Variants in IL1RAPL2 observed in about 807,000 individuals in gnomAD.
IL1RAPL2 encodes interleukin 1 receptor accessory protein like 2, also known as X-linked interleukin-1 receptor accessory protein-like 2.
In IL1RAPL2, 3 loss-of-function variants were observed where a neutral mutation model predicts 44.1. The observed-to-expected ratio is 0.07, with a 90% CI of 0.03 to 0.18. IL1RAPL2 has a LOEUF of 0.18. Among genes scored for constraint, IL1RAPL2 ranks in the 10% least tolerant of loss-of-function variants. The pLI, the probability that IL1RAPL2 is intolerant of heterozygous loss-of-function variation, is 1.00. For missense variants in IL1RAPL2, 391 were observed against 496.4 expected (o/e 0.79, Z 2.02); for synonymous variants, 181 against 178.8 (o/e 1.01, Z -0.10).
chrX:104,943,448 TC>T (rs1401397150), intron 2 of IL1RAPL2, among the ~76,000 whole-genome samples: 1 of 112,127 alleles, frequency 8.9e-6, no homozygotes, highest in Non-Finnish European at 1.9e-5. Flanking sequence ...ATTTATCCCA[TC>T]TTTTCTTCTC....
chrX:104,655,824 C>G (rs1192018447), intron 1 of IL1RAPL2, among the ~76,000 whole-genome samples: 1 of 111,154 alleles, frequency 9.0e-6, no homozygotes, highest in African/African-American at 3.3e-5. Flanking sequence ...GGTTGGTAGG[C>G]TATTAATTAT....
chrX:104,721,751 A>C (rs1931680765), intron 2 of IL1RAPL2, among the ~76,000 whole-genome samples: 1 of 111,734 alleles, frequency 8.9e-6, no homozygotes, highest in South Asian at 3.7e-4. Flanking sequence ...ATAAACATAG[A>C]ACTGTGTAAT....
At chrX:105,558,672 T>A (rs2036912544) in intron 6 of IL1RAPL2, among the ~76,000 whole-genome samples, 1 of 112,245 alleles carries the variant, frequency 8.9e-6, no homozygotes, top group Non-Finnish European at 1.9e-5. Context: ...TGACTCAAAC[T>A]TTGTGTACTT....
chrX:105,285,011 C>T (rs980844039), intron 5 of IL1RAPL2, among the ~76,000 whole-genome samples: 17 of 111,909 alleles, frequency 1.5e-4, no homozygotes, highest in Admixed American at 5.7e-4. Flanking sequence ...TAAAGAAGTT[C>T]GAGTTTTTGG....
At chrX:105,133,818 G>A (rs2033051098) in intron 2 of IL1RAPL2, among the ~76,000 whole-genome samples, 1 of 110,412 alleles carries the variant, frequency 9.1e-6, no homozygotes, top group South Asian at 3.9e-4. Flanking sequence ...CATTCATGAA[G>A]AATTTACCCT....
At chrX:104,598,113 T>A (rs1258035877) in intron 1 of IL1RAPL2, among the ~76,000 whole-genome samples, 1 of 112,384 alleles carries the variant, frequency 8.9e-6, no homozygotes, top group East Asian at 2.8e-4. Context: ...TTAATTCTTC[T>A]GGATTAAAGA....
chrX:104,599,803 C>G (rs1392400673), intron 1 of IL1RAPL2, among the ~76,000 whole-genome samples: 2 of 111,013 alleles, frequency 1.8e-5, no homozygotes, highest in African/African-American at 6.5e-5. Flanking sequence ...TGACTCATAA[C>G]AAGTTGTGCT....
chrX:104,642,990 T>C (rs776167737), intron 1 of IL1RAPL2, among the ~76,000 whole-genome samples: 8 of 112,078 alleles, frequency 7.1e-5, no homozygotes, highest in South Asian at 7.4e-4. Context: ...TTTTCTGAGA[T>C]AGGTAATTTT....
chrX:104,728,430 A>G (rs1365593826), intron 2 of IL1RAPL2, among the ~76,000 whole-genome samples: 1 of 111,829 alleles, frequency 8.9e-6, no homozygotes, highest in Admixed American at 9.5e-5. Context: ...CTTACAGGTT[A>G]CAAGTATGAT....
intron 4 of IL1RAPL2, among the ~76,000 whole-genome samples, chrX:105,260,537 T>C (rs1476543908): frequency 9.0e-6 from 1 of 111,526 alleles, no homozygotes; most frequent in East Asian, 2.8e-4. Flanking sequence ...ACAGCAACGA[T>C]GGTGGCCCAC....
At chrX:105,722,735 A>G (rs1471434923) in intron 7 of IL1RAPL2, among the ~76,000 whole-genome samples, 1 of 111,482 alleles carries the variant, frequency 9.0e-6, no homozygotes, top group Non-Finnish European at 1.9e-5. Context: ...AAAATACCTT[A>G]GACTGGGGTA....
chrX:104,575,154 A>G (rs183758156), intron 1 of IL1RAPL2, among the ~76,000 whole-genome samples: 1 of 111,321 alleles, frequency 9.0e-6, no homozygotes, highest in African/African-American at 3.2e-5. Context: ...AATATAATAA[A>G]AGTAACCTGG....
chrX:104,585,203 T>G (rs866199810), intron 1 of IL1RAPL2, among the ~76,000 whole-genome samples: 50 of 61,681 alleles, frequency 8.1e-4, no homozygotes, highest in African/African-American at 4.0e-3. Context: ...GTATATGTAT[T>G]ATATATACAC....
intron 7 of IL1RAPL2, among the ~76,000 whole-genome samples, chrX:105,721,951 C>G (rs1414247984): frequency 8.9e-6 from 1 of 112,206 alleles, no homozygotes; most frequent in Non-Finnish European, 1.9e-5. Flanking sequence ...TACCACCATG[C>G]CTGGCTAAGA....
rs973889843 is a variant in IL1RAPL2, at chrX:104,852,464, T to A, written c.82+193469T>A. Among the ~76,000 whole-genome samples the A allele has an allele frequency of 2.7e-5, 3 of 112,062 alleles. No homozygotes were observed. In the Admixed American group the frequency reaches 2.8e-4, roughly 11 times the overall value. On this transcript the variant is annotated intron_variant, in intron 2 of 10. Transcript: ENST00000372582. ...TTTTGTAATAGTTCTCATTATCAGA[T>A]GTTTTTGCATGAGAATCCTCCCTTT...
chrX:105,029,213 T>C (rs2031431649), intron 2 of IL1RAPL2, among the ~76,000 whole-genome samples: 1 of 107,088 alleles, frequency 9.3e-6, no homozygotes. Context: ...TTAGTTGAGG[T>C]CTTTTTATTT....
chrX:105,740,167 A>G (rs1327402275), intron 7 of IL1RAPL2, among the ~76,000 whole-genome samples: 1 of 111,498 alleles, frequency 9.0e-6, no homozygotes, highest in Admixed American at 9.6e-5. Context: ...TCAGAGCAGA[A>G]CTGAAGGAAA....
At chrX:104,747,274 T>G (rs999439053) in intron 2 of IL1RAPL2, among the ~76,000 whole-genome samples, 7 of 111,632 alleles carry the variant, frequency 6.3e-5, no homozygotes, top group Non-Finnish European at 1.3e-4. Flanking sequence ...TTCCTTTATG[T>G]GTATTCCTGT....
intron 2 of IL1RAPL2, among the ~76,000 whole-genome samples, chrX:105,162,091 A>G (rs1274808079): frequency 8.9e-6 from 1 of 112,312 alleles, no homozygotes; most frequent in East Asian, 2.8e-4. Flanking sequence ...AATAATATAA[A>G]CTAGTTGTCA....
Sources: gnomAD v4.1 joint callset for allele counts (sites outside exome capture counted in the v4.1 genomes callset) on GRCh38, gnomAD v4.1.1 for gene constraint, MANE v1.5 for transcripts, NCBI Gene and HGNC (gene_info 2026-07-23, HGNC 2026-07-21) for gene names.